MRPS21: variants seen among roughly 807,000 people sequenced by gnomAD.
The protein encoded by MRPS21 is mitochondrial ribosomal protein S21, also known as small ribosomal subunit protein bS21m.
In MRPS21, 8 loss-of-function variants were observed where a neutral mutation model predicts 9.9. The ratio of observed to expected loss-of-function variants is 0.81; its 90% confidence interval spans 0.47 to 1.45. MRPS21 has a LOEUF of 1.45. MRPS21 is among the 40% of genes most tolerant of loss of function. The probability of loss-of-function intolerance (pLI) is 0.00; values close to 1 mark genes in which losing one functional copy is unlikely to be tolerated. For missense variants in MRPS21, 101 were observed against 118.9 expected (o/e 0.85, Z 0.70); for synonymous variants, 40 against 40.3 (o/e 0.99, Z 0.03).
chr1:150,308,106 C>T lies in MRPS21; in HGVS notation c.142C>T (p.Pro48Ser). Residue 48 changes from proline to serine, a missense_variant, in exon 3 of 3, where the codon CCA (proline) becomes TCA (serine). Physicochemically the swap from Pro to Ser is moderately conservative, Grantham distance 74. Transcript: ENST00000614145. ...TAAGCATCGGCGGTATTATGAGAAG[C>T]CATGCTGCCGGCGACAGAGGGAAAG... The part of the protein sequence containing the change: ...DIKHRRYYEK[P>S]CCRRQRESYE... 2.5e-6 allele frequency: 4 copies of T among 1,606,668 alleles called. No individual in the cohort carries two copies. Among genetic ancestry groups the T allele is most frequent in the Non-Finnish European group, 3.4e-6 (4 of 1,173,682 alleles).
intron 2 of MRPS21, chr1:150,303,978 A>G: frequency 2.2e-6 from 1 of 454,364 alleles, no homozygotes; most frequent in South Asian, 1.6e-5. Context: ...GACACAACCC[A>G]ATGAGGGGTT....
rs782119885 is a variant in MRPS21, at chr1:150,294,340, A to G, written c.-27A>G. ...CTTTCTCCATCATCCTTTAGGCTCT[A>G]CAGAGTGAAGGTTTAAATCCAAGGT... is the stretch of plus-strand genomic sequence containing the variant. On this transcript the variant is annotated 5_prime_UTR_variant, in exon 2 of 3. Coordinates refer to ENST00000614145, the MANE Select transcript of MRPS21 (RefSeq NM_031901.6). 4.4e-6 allele frequency: 7 copies of G among 1,591,930 alleles called. No homozygotes were observed. The East Asian group carries it at 1.6e-4, about 36-fold the overall frequency.
rs79645322 is a variant in MRPS21 at position 150,303,232 on chromosome 1, G to T, written c.84-4816G>T. On this transcript the variant is annotated intron_variant, in intron 2 of 2. Transcript: ENST00000614145. ...TCTTCCTAGGTCATATTTACTCAGG[G>T]TCTCTGTCGTTTTTATATTCTCTCA... Among the ~76,000 whole-genome samples the T allele has an allele frequency of 2.7e-3, 416 of 152,134 alleles. 1 individual carries two copies. Among genetic ancestry groups the T allele is most frequent in the Non-Finnish European group, 3.7e-3 (250 of 68,000 alleles).
intron 2 of MRPS21, among the ~76,000 whole-genome samples, chr1:150,301,521 C>A (rs1654130375): frequency 6.6e-6 from 1 of 152,176 alleles, no homozygotes; most frequent in Admixed American, 6.6e-5. Flanking sequence ...AAAAGAAATT[C>A]AAGTCCCATA....
At chr1:150,294,551 C>T (rs1560060564) in intron 2 of MRPS21, 102 bp downstream of exon 2, 4 of 991,736 alleles carry the variant, frequency 4.0e-6, no homozygotes, top group Admixed American at 4.1e-5. Flanking sequence ...CAGTGCCAGC[C>T]CAGGTGTTCA....
chr1:150,300,118 G>A lies in MRPS21; in HGVS notation c.83+5669G>A, dbSNP rs587646711. On this transcript the variant is annotated intron_variant, in intron 2 of 2. Coordinates refer to ENST00000614145, the MANE Select transcript of MRPS21 (RefSeq NM_031901.6). ...AGCACTTTGGGAGGCTGAGGGGGGCGGATCATTTGAGGTTAGGAGTTCAAG... is the reference window on the plus strand; with the variant it reads ...AGCACTTTGGGAGGCTGAGGGGGGCAGATCATTTGAGGTTAGGAGTTCAAG... Among the ~76,000 whole-genome samples, 33 of 152,012 alleles carry A rather than the reference G, an allele frequency of 2.2e-4. 1 individual carries two copies. Among genetic ancestry groups the A allele is most frequent in the South Asian group, 1.7e-3 (8 of 4,822 alleles).
chr1:150,305,583 T>G (rs1553858387), intron 2 of MRPS21, among the ~76,000 whole-genome samples: 1 of 151,980 alleles, frequency 6.6e-6, no homozygotes, highest in African/African-American at 2.4e-5. Flanking sequence ...AGCATAGGCA[T>G]TATAGGGCAC....
At chr1:150,307,373 T>TTTTTTTC (rs1654380169) in intron 2 of MRPS21, among the ~76,000 whole-genome samples, 2 of 6,002 alleles carry the variant, frequency 3.3e-4, no homozygotes, top group African/African-American at 1.2e-3. Context: ...TTTTTTTTCC[T>TTTTTTTC]TTGAGTCAAG....
In MRPS21 at chr1:150,294,324, T is replaced by C; in HGVS notation, c.-32-11T>C. ...TTCTGCTTTCCTCGCCCTTTCTCCA[T>C]CATCCTTTAGGCTCTACAGAGTGAA... is the stretch of plus-strand genomic sequence containing the variant. On this transcript the variant is annotated splice_polypyrimidine_tract_variant and intron_variant, in intron 1 of 2. Coordinates refer to ENST00000614145, the MANE Select transcript of MRPS21 (RefSeq NM_031901.6). 2 of 1,542,504 alleles carry C rather than the reference T, an allele frequency of 1.3e-6. No individual in the cohort carries two copies. The highest frequency in any genetic ancestry group is 1.8e-6 in the Non-Finnish European group (2 of 1,116,936).
At chr1:150,303,366 CATTAGACAGT>C (rs1434128253) in intron 2 of MRPS21, among the ~76,000 whole-genome samples, 1 of 152,170 alleles carries the variant, frequency 6.6e-6, no homozygotes, top group African/African-American at 2.4e-5. Context: ...AAGCAACCTT[CATTAGACAGT>C]ATTAAACACA....
Position 150,308,465 on chromosome 1 carries a change from G to A in MRPS21, c.*237G>A. 2.5e-6 allele frequency: 1 copy of A among 401,056 alleles called. No individual in the cohort carries two copies. The highest frequency in any genetic ancestry group is 4.5e-6 in the Non-Finnish European group (1 of 221,028). The allele number at this position is 401,056 out of a possible 1,614,324, so 24.8% of individuals were successfully genotyped here. A position where few individuals can be genotyped will look rare whatever the true frequency, so the allele number is the denominator to read the frequency against. On this transcript the variant is annotated 3_prime_UTR_variant, in exon 3 of 3. Coordinates refer to ENST00000614145, the MANE Select transcript of MRPS21 (RefSeq NM_031901.6). ...CTAGGAGTAGAATGGTATTTGCCAG[G>A]GACTGGAGGAGGGGGCAGTGAGGAG...
chr1:150,305,636 C>T (rs1178920611), intron 2 of MRPS21, among the ~76,000 whole-genome samples: 2 of 152,110 alleles, frequency 1.3e-5, no homozygotes, highest in East Asian at 3.9e-4. Context: ...CCATCTTTTG[C>T]CCAGCTGGAG....
chr1:150,303,450 G>A (rs1005081472), intron 2 of MRPS21, among the ~76,000 whole-genome samples: 26 of 152,116 alleles, frequency 1.7e-4, no homozygotes, highest in African/African-American at 5.5e-4. Flanking sequence ...GTCCCTTATC[G>A]GCTTCCATTT....
chr1:150,294,251 A>G, intron 1 of MRPS21, 84 bp from the exon 2 acceptor site: 2 of 930,064 alleles, frequency 2.2e-6, no homozygotes, highest in Non-Finnish European at 3.4e-6. Flanking sequence ...GAATTTCCAA[A>G]TCCTAAATAA....
Position 150,308,081 on chromosome 1 carries a change from T to A in MRPS21, c.117T>A (p.Ile39=), listed in dbSNP as rs781934174. The A allele has an allele frequency of 6.3e-7, 1 of 1,598,590 alleles. No individual in the cohort carries two copies. The change falls in exon 3 of 3, where the codon ATT becomes ATA. Residue 39 remains isoleucine (I), a synonymous_variant. Coordinates refer to ENST00000614145, the MANE Select transcript of MRPS21 (RefSeq NM_031901.6). ...ILTMDGLIED[I]KHRRYYEKPC... ...CTATGGATGGGCTCATTGAGGACAT[T>A]AAGCATCGGCGGTATTATGAGAAGC...
chr1:150,302,184 T>TA (rs782075907), intron 2 of MRPS21, among the ~76,000 whole-genome samples: 5 of 152,134 alleles, frequency 3.3e-5, no homozygotes, highest in African/African-American at 4.8e-5. Flanking sequence ...CAACAATAGG[T>TA]AGGAGAGCAA....
At chr1:150,302,163 T>C (rs1553857803) in intron 2 of MRPS21, among the ~76,000 whole-genome samples, 1 of 152,168 alleles carries the variant, frequency 6.6e-6, no homozygotes, top group East Asian at 1.9e-4. Context: ...GCTTGTTCTG[T>C]GGTCTAATTA....
At chr1:150,295,385 C>T (rs1553856351) in intron 2 of MRPS21, among the ~76,000 whole-genome samples, 2 of 152,108 alleles carry the variant, frequency 1.3e-5, no homozygotes, top group Non-Finnish European at 2.9e-5. Flanking sequence ...TAGTGACGCA[C>T]GCCACCACCG....
intron 2 of MRPS21, chr1:150,304,201 C>T: frequency 3.1e-6 from 1 of 327,296 alleles, no homozygotes; most frequent in Non-Finnish European, 6.2e-6. Context: ...ATCCCAGCTA[C>T]TCAGGAGGCT....
Sources: allele counts gnomAD v4.1 joint callset (sites outside exome capture counted in the v4.1 genomes callset), GRCh38; gene constraint gnomAD v4.1.1; transcripts MANE v1.5; gene names NCBI Gene and HGNC (gene_info 2026-07-23, HGNC 2026-07-21).